Variants in ARHGAP5 observed in about 807,000 individuals in gnomAD.
The protein encoded by ARHGAP5 is Rho GTPase activating protein 5.
In ARHGAP5, 23 loss-of-function variants were observed where a neutral mutation model predicts 116.6. The ratio of observed to expected loss-of-function variants is 0.20; its 90% CI spans 0.14 to 0.28. ARHGAP5 has a LOEUF of 0.28. Among genes scored for constraint, ARHGAP5 ranks in the 10% least tolerant of loss-of-function variants. The pLI is 1.00. For missense variants in ARHGAP5, 1,405 were observed against 1,774.8 expected (o/e 0.79, Z 3.74); for synonymous variants, 574 against 602.0 (o/e 0.95, Z 0.68).
chr14:32,111,002 T>C (rs2139055667), intron 2 of ARHGAP5, among the ~76,000 whole-genome samples: 1 of 152,298 alleles, frequency 6.6e-6, no homozygotes, highest in Admixed American at 6.5e-5. Context: ...TGTTAGGGTG[T>C]TTTACATTAG....
chr14:32,080,646 G>A (rs1055365721), intron 1 of ARHGAP5, among the ~76,000 whole-genome samples: 2 of 152,132 alleles, frequency 1.3e-5, no homozygotes, highest in African/African-American at 4.8e-5. Flanking sequence ...ATAGTTAAAA[G>A]TATTAAGAGG....
intron 4 of ARHGAP5, among the ~76,000 whole-genome samples, chr14:32,147,316 G>C (rs556789942): frequency 6.6e-6 from 1 of 152,294 alleles, no homozygotes; most frequent in Non-Finnish European, 1.5e-5. Context: ...TAAAAATTCT[G>C]TATGACATGT....
At chr14:32,131,952 T>G (rs1336400067) in intron 3 of ARHGAP5, among the ~76,000 whole-genome samples, 2 of 152,232 alleles carry the variant, frequency 1.3e-5, no homozygotes. Flanking sequence ...CCATGGTGTA[T>G]ATGTGCCACA....
At chr14:32,126,720 T>C (rs1880171574) in intron 3 of ARHGAP5, among the ~76,000 whole-genome samples, 1 of 152,220 alleles carries the variant, frequency 6.6e-6, no homozygotes, top group African/African-American at 2.4e-5. Flanking sequence ...TTTTTCTGTG[T>C]CAGTTGAGAT....
At chr14:32,085,019 G>A (rs760415488) in intron 1 of ARHGAP5, among the ~76,000 whole-genome samples, 10 of 147,524 alleles carry the variant, frequency 6.8e-5, no homozygotes, top group Admixed American at 1.3e-4. Context: ...AAAAAAGACA[G>A]ATTATGGGAT....
In ARHGAP5 at chr14:32,152,356, G is replaced by C. The variant is rs147735251; in HGVS notation, c.4076-67G>C. 2,481 of 1,043,836 alleles carry C rather than the reference G, an allele frequency of 2.4e-3. 37 individuals carry two copies. In the African/African-American group the frequency reaches 0.035, roughly 15 times the overall value. 64.7% of individuals were successfully genotyped at this position (1,043,836 alleles called of 1,614,324 possible). ...TTGACTGTTATAGTAAATATAGCAGGAAGCTTTATCAAATATTTTTAAATG... is the reference window on the plus strand; with the variant it reads ...TTGACTGTTATAGTAAATATAGCAGCAAGCTTTATCAAATATTTTTAAATG... On this transcript the variant is annotated intron_variant, in intron 5 of 6. Transcript: ENST00000345122.
intron 2 of ARHGAP5, among the ~76,000 whole-genome samples, chr14:32,115,828 A>AG (rs397853382): frequency 1.3e-5 from 2 of 148,182 alleles, no homozygotes; most frequent in South Asian, 4.3e-4. Context: ...AAAAAAAAAA[A>AG]TTAGCTGGGC....
At chr14:32,153,131 C>T (rs938773123) in intron 6 of ARHGAP5, among the ~76,000 whole-genome samples, 8 of 149,556 alleles carry the variant, frequency 5.3e-5, no homozygotes, top group African/African-American at 2.0e-4. Context: ...AGAGGATTCA[C>T]CAATGTTTAA....
intron 3 of ARHGAP5, among the ~76,000 whole-genome samples, chr14:32,143,314 C>A (rs1881223583): frequency 6.6e-6 from 1 of 150,490 alleles, no homozygotes; most frequent in South Asian, 2.1e-4. Context: ...GTGATCTCGG[C>A]TCACTGCAAC....
intron 3 of ARHGAP5, among the ~76,000 whole-genome samples, chr14:32,144,922 A>C (rs1185122730): frequency 2.0e-5 from 3 of 152,176 alleles, no homozygotes; most frequent in Admixed American, 1.3e-4. Flanking sequence ...CATAACTGCC[A>C]CCATTGTGTT....
At chr14:32,117,947 C>T (rs1005107336) in intron 3 of ARHGAP5, among the ~76,000 whole-genome samples, 1 of 152,090 alleles carries the variant, frequency 6.6e-6, no homozygotes, top group African/African-American at 2.4e-5. Context: ...AAAATGAACA[C>T]GAGTTAACCA....
At chr14:32,115,827 AATT>A (rs1250086127) in intron 2 of ARHGAP5, among the ~76,000 whole-genome samples, 3 of 147,772 alleles carry the variant, frequency 2.0e-5, no homozygotes, top group Admixed American at 6.8e-5. Flanking sequence ...AAAAAAAAAA[AATT>A]AGCTGGGCTT....
At chr14:32,094,748 C>G (rs1256904807) in intron 2 of ARHGAP5, among the ~76,000 whole-genome samples, 2 of 152,266 alleles carry the variant, frequency 1.3e-5, no homozygotes, top group Admixed American at 1.3e-4. Flanking sequence ...ATACCTGTCT[C>G]ACTCAAGGAT....
chr14:32,077,645 C>T (rs973249436), intron 1 of ARHGAP5, among the ~76,000 whole-genome samples: 1 of 151,988 alleles, frequency 6.6e-6, no homozygotes, highest in Admixed American at 6.5e-5. Context: ...ATACGTTCGG[C>T]GTGAAGGGCA....
chr14:32,096,496 G>A (rs1219602555), intron 2 of ARHGAP5, among the ~76,000 whole-genome samples: 2 of 152,072 alleles, frequency 1.3e-5, no homozygotes, highest in Non-Finnish European at 2.9e-5. Flanking sequence ...ATAAAAAGGA[G>A]AACATAATTA....
At position 32,137,001 on chromosome 14, in the gene ARHGAP5, A is replaced by G. The variant is rs144459464; in HGVS notation, c.3866-9262A>G. On this transcript the variant is annotated intron_variant, in intron 3 of 6. Coordinates refer to ENST00000345122, the MANE Select transcript of ARHGAP5 (RefSeq NM_001030055.2). ...ACTTTTATCAGGTAAGTGATTTGCA[A>G]GTATTTTCTCCCATTCTGTAGGTTG... Among the ~76,000 whole-genome samples the G allele has an allele frequency of 5.5e-3, 834 of 151,928 alleles. 4 individuals carry two copies. The highest frequency in any genetic ancestry group is 9.6e-3 in the Non-Finnish European group (650 of 67,984).
At chr14:32,088,103 A>G (rs958555379) in intron 1 of ARHGAP5, among the ~76,000 whole-genome samples, 1 of 152,064 alleles carries the variant, frequency 6.6e-6, no homozygotes. Flanking sequence ...ATTGGAGAGC[A>G]GAAGTGAGTC....
chr14:32,132,312 G>C (rs1389515451), intron 3 of ARHGAP5, among the ~76,000 whole-genome samples: 1 of 152,166 alleles, frequency 6.6e-6, no homozygotes, highest in Non-Finnish European at 1.5e-5. Context: ...TTGTGGTTTT[G>C]ATTTGCATTT....
rs1438438909 is a variant in ARHGAP5, at chr14:32,157,148, A to G, written c.*2200A>G. ...ACACACTTCATAGTGAGTCATTTAAATACTCTACGTTTGGTTCAATTAACC... is the reference window on the plus strand; with the variant it reads ...ACACACTTCATAGTGAGTCATTTAAGTACTCTACGTTTGGTTCAATTAACC... On this transcript the variant is annotated 3_prime_UTR_variant, in exon 7 of 7. Transcript: ENST00000345122. The G allele has an allele frequency of 6.6e-6, 1 of 152,268 alleles. No individual in the cohort carries two copies. Among genetic ancestry groups the G allele is most frequent in the Non-Finnish European group, 1.5e-5 (1 of 67,770 alleles). 9.4% of individuals were successfully genotyped at this position (152,268 alleles called of 1,614,324 possible).
Sources: gnomAD v4.1 joint callset for allele counts (sites outside exome capture counted in the v4.1 genomes callset) on GRCh38, gnomAD v4.1.1 for gene constraint, MANE v1.5 for transcripts, NCBI Gene and HGNC (gene_info 2026-07-23, HGNC 2026-07-21) for gene names.